The following NCAM1 variants were observed in gnomAD, a reference collection of about 807,000 sequenced individuals.
NCAM1 encodes the protein neural cell adhesion molecule 1.
In NCAM1, 14 loss-of-function variants were observed where a neutral mutation model predicts 109.8. The observed-to-expected ratio is 0.13, with a 90% CI of 0.08 to 0.20. NCAM1 has a LOEUF of 0.20. Among genes scored for constraint, NCAM1 ranks in the 10% least tolerant of loss-of-function variants. The pLI, the probability that NCAM1 is intolerant of heterozygous loss-of-function variation, is 1.00. For synonymous variants in NCAM1, 418 were observed against 442.9 expected (o/e 0.94, Z 0.70); for missense variants, 774 against 1,109.9 (o/e 0.70, Z 4.30).
At chr11:113,195,745 A>T (rs576811047) in intron 1 of NCAM1, among the ~76,000 whole-genome samples, 1 of 151,814 alleles carries the variant, frequency 6.6e-6, no homozygotes, top group African/African-American at 2.4e-5. Flanking sequence ...TGACCTTGTG[A>T]TCCACCTGCC....
At chr11:113,122,131 C>T (rs1333047111) in intron 1 of NCAM1, among the ~76,000 whole-genome samples, 1 of 152,202 alleles carries the variant, frequency 6.6e-6, no homozygotes, top group African/African-American at 2.4e-5. Context: ...CATCAGCTTG[C>T]CTTCAGATCC....
intron 1 of NCAM1, among the ~76,000 whole-genome samples, chr11:113,019,872 G>A (rs1272156202): frequency 1.3e-5 from 2 of 152,136 alleles, no homozygotes; most frequent in African/African-American, 2.4e-5. Flanking sequence ...AAGTCTAGAC[G>A]CCACCTTTGG....
At chr11:113,257,635 G>T (rs1945866361) in intron 16 of NCAM1, among the ~76,000 whole-genome samples, 1 of 152,172 alleles carries the variant, frequency 6.6e-6, no homozygotes, top group Non-Finnish European at 1.5e-5. Flanking sequence ...ACACAGCTGG[G>T]CACAACGCTG....
intron 18 of NCAM1, 67 bp from the exon 19 acceptor site, chr11:113,271,693 C>A: frequency 8.0e-7 from 1 of 1,252,292 alleles, no homozygotes. Context: ...TGAGTCATAG[C>A]TGCTCTTCCG....
Position 113,204,289 on chromosome 11 carries a change from C to A in NCAM1, c.131C>A (p.Ala44Glu), listed in dbSNP as rs1555112430. The change falls in exon 3 of 20, where the codon GCA becomes GAA. Residue 44 changes from alanine to glutamate, a missense_variant. Physicochemically the swap from Ala to Glu is moderately radical, Grantham distance 107 (BLOSUM62 -1). Around this residue, in one of 4 missense-constraint regions of NCAM1, gnomAD observed 112 missense variants for 142.0 expected, o/e 0.79. Coordinates refer to ENST00000316851, the MANE Select transcript of NCAM1 (RefSeq NM_181351.5). ...GESKFFLCQVAGDAKDKDISW... is the reference protein window; with the variant it reads ...GESKFFLCQVEGDAKDKDISW... ...AAAATAATCTCTTCCTCTTTAGTGG[C>A]AGGAGATGCCAAAGATAAAGACATC... 2 of 1,608,470 alleles carry A rather than the reference C, an allele frequency of 1.2e-6. No homozygotes were observed. The highest frequency in any genetic ancestry group is 3.4e-5 in the Admixed American group (2 of 59,192).
Position 113,235,081 on chromosome 11 carries a change from C to T in NCAM1, c.1742C>T (p.Thr581Met), listed in dbSNP as rs373450426. 9.7e-5 allele frequency: 154 copies of T among 1,590,648 alleles called. No individual in the cohort carries two copies. Among genetic ancestry groups the T allele is most frequent in the Admixed American group, 1.6e-4 (9 of 55,990 alleles). ...ATCGTGGGCCTGAAGCCCGAAACAA[C>T]GTACGCCGTAAGGCTGGCGGCGCTC... ...VTIVGLKPET[T>M]YAVRLAALNG... Residue 581 changes from threonine (T) to methionine (M), a missense_variant, in exon 14 of 20, where the codon ACG (threonine) becomes ATG (methionine). Physicochemically the swap from Thr to Met is moderately conservative, Grantham distance 81. This residue lies in a region of NCAM1 where 523 missense variants were observed against 784.2 expected (regional missense o/e 0.67). Transcript: ENST00000316851.
chr11:113,143,757 T>C (rs1174785604), intron 1 of NCAM1, among the ~76,000 whole-genome samples: 1 of 152,162 alleles, frequency 6.6e-6, no homozygotes, highest in Non-Finnish European at 1.5e-5. Context: ...TTAGTCCTGA[T>C]AAAAACTGTG....
At chr11:113,118,233 T>C (rs936571408) in intron 1 of NCAM1, among the ~76,000 whole-genome samples, 1 of 151,928 alleles carries the variant, frequency 6.6e-6, no homozygotes, top group African/African-American at 2.4e-5. Context: ...TTTTGTGCTC[T>C]CAGAGGACAT....
At chr11:113,146,537 G>A (rs1487620103) in intron 1 of NCAM1, among the ~76,000 whole-genome samples, 1 of 152,106 alleles carries the variant, frequency 6.6e-6, no homozygotes, top group Non-Finnish European at 1.5e-5. Flanking sequence ...TTTCAGTAAT[G>A]GGCTTTCAGT....
At chr11:113,155,695 G>GC (rs1240877661) in intron 1 of NCAM1, among the ~76,000 whole-genome samples, 1 of 152,032 alleles carries the variant, frequency 6.6e-6, no homozygotes, top group Non-Finnish European at 1.5e-5. Context: ...GTCTTTAGTT[G>GC]CCCAGTTATA....
chr11:113,049,507 T>G (rs565368942), intron 1 of NCAM1, among the ~76,000 whole-genome samples: 22 of 152,334 alleles, frequency 1.4e-4, no homozygotes, highest in African/African-American at 4.8e-4. Context: ...GAATGCCTGC[T>G]TTCTACTTCT....
intron 1 of NCAM1, among the ~76,000 whole-genome samples, chr11:113,038,980 C>A (rs1952984437): frequency 1.3e-5 from 2 of 152,130 alleles, no homozygotes; most frequent in African/African-American, 4.8e-5. Flanking sequence ...GGGCTGCAGA[C>A]TTCTCTTCAC....
intron 14 of NCAM1, chr11:113,240,604 A>G (rs1945292253): frequency 1.6e-6 from 1 of 632,938 alleles, no homozygotes; most frequent in African/African-American, 1.8e-5. Context: ...TTGACGTTAG[A>G]GAGAGCCCTG....
At chr11:113,120,423 T>C (rs1438874733) in intron 1 of NCAM1, among the ~76,000 whole-genome samples, 2 of 152,210 alleles carry the variant, frequency 1.3e-5, no homozygotes, top group East Asian at 3.8e-4. Flanking sequence ...GCCAACAGCC[T>C]AGCCTTAATG....
At chr11:113,124,787 A>T (rs1383619664) in intron 1 of NCAM1, among the ~76,000 whole-genome samples, 3 of 152,222 alleles carry the variant, frequency 2.0e-5, no homozygotes, top group African/African-American at 7.2e-5. Flanking sequence ...TCAGTATAAG[A>T]CACGTTTACT....
chr11:113,144,304 C>T (rs559046104), intron 1 of NCAM1, among the ~76,000 whole-genome samples: 52 of 152,294 alleles, frequency 3.4e-4, no homozygotes, highest in African/African-American at 1.3e-3. Context: ...TCGGCCGTTA[C>T]AGTCTTCCAT....
At chr11:113,024,696 GA>G (rs1196162684) in intron 1 of NCAM1, among the ~76,000 whole-genome samples, 1 of 151,580 alleles carries the variant, frequency 6.6e-6, no homozygotes, top group African/African-American at 2.4e-5. Context: ...ATGGTATGGT[GA>G]AAAAAAAGAA....
chr11:113,262,760 T>G (rs1946044880), intron 17 of NCAM1: 2 of 1,457,622 alleles, frequency 1.4e-6, no homozygotes, highest in African/African-American at 1.4e-5. Flanking sequence ...ACTTGTCACC[T>G]TGGACGTCAC....
chr11:112,974,353 T>G (rs1393451342), intron 1 of NCAM1, among the ~76,000 whole-genome samples: 1 of 152,072 alleles, frequency 6.6e-6, no homozygotes, highest in Non-Finnish European at 1.5e-5. Context: ...ATTTAACTCC[T>G]CAAATTCTAA....
Sources: gnomAD v4.1 joint callset for allele counts (sites outside exome capture counted in the v4.1 genomes callset) on GRCh38, gnomAD v4.1.1 for gene constraint, gnomAD v4.1.1 regional missense constraint, MANE v1.5 for transcripts, NCBI Gene and HGNC (gene_info 2026-07-23, HGNC 2026-07-21) for gene names.